GLS: variants seen among roughly 807,000 people sequenced by gnomAD.
The protein encoded by GLS is glutaminase.
In GLS, 36 loss-of-function variants were observed where a neutral mutation model predicts 86.7. That is an observed-to-expected ratio of 0.42 (90% CI 0.32 to 0.55). GLS has a LOEUF of 0.55. Ranked by LOEUF, GLS falls within the 20% of genes least tolerant of loss-of-function variation. The probability of loss-of-function intolerance (pLI) is 0.17; values close to 1 mark genes in which losing one functional copy is unlikely to be tolerated. For synonymous variants in GLS, 317 were observed against 305.9 expected, an observed-to-expected ratio of 1.04 and a Z score of -0.38; for missense variants, 528 against 833.4, an observed-to-expected ratio of 0.63 and a Z score of 4.51.
intron 7 of GLS, among the ~76,000 whole-genome samples, chr2:190,915,190 CAG>C (rs953301520): frequency 6.7e-6 from 1 of 148,316 alleles, no homozygotes; most frequent in Non-Finnish European, 1.5e-5. Flanking sequence ...TTAGTAGAGA[CAG>C]GGTTTCACCA....
At chr2:190,933,243 T>G (rs1197785475) in intron 14 of GLS, 1 of 885,876 alleles carries the variant, frequency 1.1e-6, no homozygotes, top group Non-Finnish European at 1.4e-6. Context: ...TGTTGCATTT[T>G]GTTTTTTCTT....
chr2:190,956,052 T>G lies in GLS; in HGVS notation c.1853+1234T>G, dbSNP rs1449815305. Among the ~76,000 whole-genome samples the G allele has an allele frequency of 1.3e-5, 2 of 152,220 alleles. No individual in the cohort carries two copies. The highest frequency in any genetic ancestry group is 3.8e-4 in the East Asian group (2 of 5,206). On this transcript the variant is annotated intron_variant, in intron 17 of 17. Transcript: ENST00000320717. This position sits in a 1 kb window ranked among gnomAD's most constrained non-coding sequence, Gnocchi z 4.2. ...TGTCAGATGGATAGATCGCAAAAAT[T>G]TTCTCCCATTCTGTAGGTTGCCTGT...
In GLS at chr2:190,930,072, T is replaced by G. The variant is rs575340634; in HGVS notation, c.1426-365T>G. Among the ~76,000 whole-genome samples, 37 of 148,942 alleles carry G rather than the reference T, an allele frequency of 2.5e-4. No individual in the cohort carries two copies. The South Asian group carries it at 3.4e-3, about 14-fold the overall frequency. On this transcript the variant is annotated intron_variant, in intron 12 of 17. Transcript: ENST00000320717. The surrounding 1 kb of genome is among the most constrained non-coding windows in gnomAD (Gnocchi z 5.0). ...TTTTAAACCAATTTCCCAATTGTGTTTTTTTTTTTTTTGAAACTGGATCTT... is the reference window on the plus strand; with the variant it reads ...TTTTAAACCAATTTCCCAATTGTGTGTTTTTTTTTTTTGAAACTGGATCTT...
At chr2:190,932,543 C>T in intron 14 of GLS, 1 of 378,194 alleles carries the variant, frequency 2.6e-6, no homozygotes. Flanking sequence ...GCAAAACCAA[C>T]AGAATAGAAA....
chr2:190,952,118 G>A (rs1690733268), intron 14 of GLS, among the ~76,000 whole-genome samples: 1 of 152,178 alleles, frequency 6.6e-6, no homozygotes, highest in East Asian at 1.9e-4. Flanking sequence ...AGGACAACAA[G>A]AAATGGGAGA....
At chr2:190,906,942 T>C (rs1023470576) in intron 6 of GLS, among the ~76,000 whole-genome samples, 33 of 151,526 alleles carry the variant, frequency 2.2e-4, no homozygotes, top group Admixed American at 1.2e-3. Flanking sequence ...TTTTTTTTTT[T>C]TTTTTGAGAT....
chr2:190,946,515 T>C (rs1574616826), intron 14 of GLS, among the ~76,000 whole-genome samples: 1 of 152,278 alleles, frequency 6.6e-6, no homozygotes, highest in East Asian at 1.9e-4. Context: ...CTTTTTTTTT[T>C]CATTATAGCA....
intron 1 of GLS, among the ~76,000 whole-genome samples, chr2:190,891,535 T>C (rs1688561159): frequency 6.6e-6 from 1 of 151,818 alleles, no homozygotes; most frequent in South Asian, 2.1e-4. Context: ...CATTGGGGAA[T>C]TATAAGGATT....
intron 1 of GLS, among the ~76,000 whole-genome samples, chr2:190,885,885 A>G (rs1688364016): frequency 7.0e-6 from 1 of 142,696 alleles, no homozygotes; most frequent in African/African-American, 2.6e-5. Flanking sequence ...TTATTTATTT[A>G]TTTTTGAGGT....
In GLS at chr2:190,897,653, G is replaced by A. The variant is rs1559319411; in HGVS notation, c.605+1928G>A. On this transcript the variant is annotated intron_variant, in intron 3 of 17. Coordinates refer to ENST00000320717, the MANE Select transcript of GLS (RefSeq NM_014905.5). This position sits in a 1 kb window ranked among gnomAD's most constrained non-coding sequence, Gnocchi z 4.3. Reference sequence around the variant, plus strand: ...CTTTCAGTCACCTGGAAAGGTGATTGCTTCAGAGATGTTCTTTTCTCTGTT... The same window carrying A: ...CTTTCAGTCACCTGGAAAGGTGATTACTTCAGAGATGTTCTTTTCTCTGTT... Among the ~76,000 whole-genome samples the A allele has an allele frequency of 6.6e-6, 1 of 152,136 alleles. No individual in the cohort carries two copies. Among genetic ancestry groups the A allele is most frequent in the Non-Finnish European group, 1.5e-5 (1 of 68,012 alleles).
At chr2:190,909,555 C>T (rs1459829689) in intron 6 of GLS, among the ~76,000 whole-genome samples, 1 of 151,966 alleles carries the variant, frequency 6.6e-6, no homozygotes, top group Non-Finnish European at 1.5e-5. Flanking sequence ...TCACTGTCCC[C>T]AAGATTTTAT....
chr2:190,905,774 A>G lies in GLS; in HGVS notation c.979+607A>G, dbSNP rs1332886585. Among the ~76,000 whole-genome samples the G allele has an allele frequency of 6.6e-6, 1 of 152,134 alleles. No homozygotes were observed. Among genetic ancestry groups the G allele is most frequent in the Non-Finnish European group, 1.5e-5 (1 of 67,976 alleles). ...TTGATCTGATAGAGATTTTAAGTCTAAACATCATTTAGCTGAGTGCAAACT... is the reference window on the plus strand; with the variant it reads ...TTGATCTGATAGAGATTTTAAGTCTGAACATCATTTAGCTGAGTGCAAACT... On this transcript the variant is annotated intron_variant, in intron 6 of 17. Transcript: ENST00000320717. The surrounding 1 kb of genome is among the most constrained non-coding windows in gnomAD (Gnocchi z 4.6).
At chr2:190,942,830 A>C (rs1200870533) in intron 14 of GLS, among the ~76,000 whole-genome samples, 1 of 152,242 alleles carries the variant, frequency 6.6e-6, no homozygotes, top group Admixed American at 6.5e-5. Context: ...CTCAGGGACT[A>C]TCAGGGAAAC....
chr2:190,964,892 G>T lies in GLS; in HGVS notation c.*1906G>T, dbSNP rs939462620. 6.6e-6 allele frequency: 1 copy of T among 152,166 alleles called. No homozygotes were observed. Among genetic ancestry groups the T allele is most frequent in the Admixed American group, 6.5e-5 (1 of 15,278 alleles). 9.4% of individuals were successfully genotyped at this position (152,166 alleles called of 1,614,324 possible). On this transcript the variant is annotated 3_prime_UTR_variant, in exon 18 of 18. Transcript: ENST00000320717. This position sits in a 1 kb window ranked among gnomAD's most constrained non-coding sequence, Gnocchi z 5.2. ...CTTGAAGATTACCAATGATTTTGAGGCTTTTCTATAATAAAAAGAGGTTCT... is the reference window on the plus strand; with the variant it reads ...CTTGAAGATTACCAATGATTTTGAGTCTTTTCTATAATAAAAAGAGGTTCT...
chr2:190,937,221 A>G (rs1690297076), intron 14 of GLS, among the ~76,000 whole-genome samples: 1 of 151,408 alleles, frequency 6.6e-6, no homozygotes, highest in South Asian at 2.1e-4. Context: ...AAATTGTAAC[A>G]AAGTTAAAAA....
chr2:190,932,341 T>A (rs936168081), intron 14 of GLS, among the ~76,000 whole-genome samples: 1 of 151,938 alleles, frequency 6.6e-6, no homozygotes, highest in African/African-American at 2.4e-5. Flanking sequence ...GTGCTGAGAA[T>A]TTTGATTCAG....
At chr2:190,883,058 T>C (rs922153927) in intron 1 of GLS, among the ~76,000 whole-genome samples, 5 of 152,240 alleles carry the variant, frequency 3.3e-5, no homozygotes, top group African/African-American at 9.6e-5. Flanking sequence ...AAATTATGTC[T>C]TCAGGTCTGT....
At chr2:190,889,461 T>C (rs1574560375) in intron 1 of GLS, among the ~76,000 whole-genome samples, 1 of 152,232 alleles carries the variant, frequency 6.6e-6, no homozygotes, top group Non-Finnish European at 1.5e-5. Context: ...TTTTTCCTTA[T>C]GTGTGGCTGA....
chr2:190,945,490 G>A (rs1171566803), intron 14 of GLS, among the ~76,000 whole-genome samples: 4 of 151,478 alleles, frequency 2.6e-5, no homozygotes, highest in African/African-American at 4.9e-5. Flanking sequence ...GTGAGACCCC[G>A]TCTCTACAAA....
Sources: allele counts gnomAD v4.1 joint callset (sites outside exome capture counted in the v4.1 genomes callset), GRCh38; gene constraint gnomAD v4.1.1; non-coding constraint Gnocchi (gnomAD v3.1); transcripts MANE v1.5; gene names NCBI Gene and HGNC (gene_info 2026-07-23, HGNC 2026-07-21).